The following LETM2 variants were observed in gnomAD, a reference collection of about 807,000 sequenced individuals.
The protein encoded by LETM2 is LETM1 domain-containing protein LETM2, mitochondrial.
Under a neutral mutation model 59.6 loss-of-function variants are expected in LETM2, and 58 were observed. The ratio of observed to expected loss-of-function variants is 0.97; its 90% CI spans 0.79 to 1.21. The LOEUF (loss-of-function observed/expected upper bound fraction) is 1.21. Ranked by LOEUF, LETM2 falls within the 50% of genes most tolerant of loss-of-function variation. The pLI, the probability that LETM2 is intolerant of heterozygous loss-of-function variation, is 0.00. For missense variants in LETM2, 572 were observed against 575.7 expected (o/e 0.99, Z 0.07); for synonymous variants, 199 against 214.1 (o/e 0.93, Z 0.62).
Position 38,394,082 on chromosome 8 carries a change from G to A in LETM2, c.502-16G>A, listed in dbSNP as rs776337311. ...CCCTAAAATAATGAATATTGCATAT[G>A]CATTTAATTCTATAGCTGTTGAGAA... is the stretch of plus-strand genomic sequence containing the variant. On this transcript the variant is annotated splice_polypyrimidine_tract_variant and intron_variant, in intron 3 of 10. Coordinates refer to ENST00000379957, the MANE Select transcript of LETM2 (RefSeq NM_001286819.2). 3.5e-6 allele frequency: 5 copies of A among 1,423,076 alleles called. No homozygotes were observed. The South Asian group carries it at 7.5e-5, about 21-fold the overall frequency. The allele number at this position is 1,423,076 out of a possible 1,614,324, so 88.2% of individuals were successfully genotyped here. A position where few individuals can be genotyped will look rare whatever the true frequency, so the allele number is the denominator to read the frequency against.
chr8:38,400,707 A>T (rs549766715), intron 5 of LETM2, 146 bp from the exon 6 acceptor site: 1 of 767,438 alleles, frequency 1.3e-6, no homozygotes, highest in Non-Finnish European at 2.1e-6. Flanking sequence ...CTTCAGATGG[A>T]TATCTTTTCT....
chr8:38,405,763 A>G (rs1813664464), intron 8 of LETM2, among the ~76,000 whole-genome samples: 1 of 152,178 alleles, frequency 6.6e-6, no homozygotes, highest in South Asian at 2.1e-4. Flanking sequence ...GATTGCTGTC[A>G]GGGGCAAGGA....
intron 10 of LETM2, among the ~76,000 whole-genome samples, chr8:38,407,770 C>T (rs1813851340): frequency 6.6e-6 from 1 of 152,128 alleles, no homozygotes; most frequent in African/African-American, 2.4e-5. Context: ...TTTACACATG[C>T]TTCCGACGTG....
At chr8:38,391,780 C>T (rs972873235) in intron 2 of LETM2, among the ~76,000 whole-genome samples, 1 of 151,824 alleles carries the variant, frequency 6.6e-6, no homozygotes, top group Admixed American at 6.6e-5. Context: ...CAACCTTCAC[C>T]TCCTGGGTTC....
At chr8:38,393,544 G>A (rs1812464568) in intron 3 of LETM2, 1 of 153,572 alleles carries the variant, frequency 6.5e-6, no homozygotes, top group African/African-American at 2.4e-5. Context: ...CTACCCAGGA[G>A]GCTGAGGCAG....
chr8:38,394,208 G>A lies in LETM2; in HGVS notation c.612G>A (p.Met204Ile), dbSNP rs1285329029. ...TGTTTCTGAAACTCTTCCCAGAGAT[G>A]TTGCCATCAACTTTTGAAAGTGAAT... ...LPVFLKLFPE[M>I]LPSTFESESK... Residue 204 changes from methionine to isoleucine, a missense_variant, in exon 4 of 11, where the codon ATG (methionine) becomes ATA (isoleucine). Met to Ile is a conservative substitution (Grantham distance 10, BLOSUM62 1). Transcript: ENST00000379957. 4 of 1,501,570 alleles carry A rather than the reference G, an allele frequency of 2.7e-6. No homozygotes were observed. The Admixed American group carries it at 9.4e-5, about 35-fold the overall frequency. The allele number at this position is 1,501,570 out of a possible 1,614,324, so 93.0% of individuals were successfully genotyped here. A position where few individuals can be genotyped will look rare whatever the true frequency, so the allele number is the denominator to read the frequency against.
At chr8:38,388,652 G>A (rs564231520) in intron 2 of LETM2, among the ~76,000 whole-genome samples, 3 of 150,274 alleles carry the variant, frequency 2.0e-5, no homozygotes, top group East Asian at 2.1e-4. Flanking sequence ...CCTGGGAGGC[G>A]GAGGTTGCAG....
Position 38,406,961 on chromosome 8 carries a change from A to C in LETM2, c.1234A>C (p.Ile412Leu). Residue 412 changes from isoleucine (I) to leucine (L), a missense_variant, in exon 9 of 11, where the codon ATT (isoleucine) becomes CTT (leucine). Coordinates refer to ENST00000379957, the MANE Select transcript of LETM2 (RefSeq NM_001286819.2). The stretch of plus-strand genomic sequence containing the variant: ...ATCTCCCCAGGCTCCAAAGACTGAT[A>C]TTCTTGTGGAATTACCTACTTTCAC... ...PLSGEAPKTDILVELPTFTES... is the reference protein window; with the variant it reads ...PLSGEAPKTDLLVELPTFTES... The C allele has an allele frequency of 6.2e-7, 1 of 1,608,154 alleles. No homozygotes were observed. Among genetic ancestry groups the C allele is most frequent in the Non-Finnish European group, 8.5e-7 (1 of 1,174,618 alleles).
Position 38,400,485 on chromosome 8 carries a change from C to T in LETM2, c.783+76C>T, listed in dbSNP as rs1165178122. 3.6e-6 allele frequency: 5 copies of T among 1,389,232 alleles called. No individual in the cohort carries two copies. The African/African-American group carries it at 7.3e-5, about 20-fold the overall frequency. 86.1% of individuals were successfully genotyped at this position (1,389,232 alleles called of 1,614,324 possible). ...GAAAAACGCATGTCATCATGGATTT[C>T]CCAAATTGTTCACCATCTTTGGAAT... is the stretch of plus-strand genomic sequence containing the variant. On this transcript the variant is annotated intron_variant, in intron 5 of 10. Transcript: ENST00000379957.
intron 6 of LETM2, among the ~76,000 whole-genome samples, chr8:38,402,043 GGGTT>G (rs1813273856): frequency 6.6e-6 from 1 of 152,056 alleles, no homozygotes; most frequent in South Asian, 2.1e-4. Context: ...CCATTGTTTT[GGGTT>G]ACGCCAAGCA....
chr8:38,393,491 A>G (rs1454526360), intron 3 of LETM2: 1 of 154,600 alleles, frequency 6.5e-6, no homozygotes, highest in Non-Finnish European at 1.4e-5. Context: ...TAAAAAAAAT[A>G]CAAAAATTAG....
upstream of LETM2, among the ~76,000 whole-genome samples, chr8:38,385,171 T>G (rs1409336230): frequency 2.0e-5 from 3 of 152,184 alleles, no homozygotes; most frequent in Admixed American, 1.3e-4. Flanking sequence ...ACTGAAAAGT[T>G]TTGCCTATTT....
intron 9 of LETM2, 93 bp downstream of exon 9, chr8:38,407,131 G>A (rs185470421): frequency 1.3e-6 from 1 of 798,230 alleles, no homozygotes; most frequent in Admixed American, 2.2e-5. Context: ...TAATGAAATT[G>A]AAATTCAATA....
In LETM2 at chr8:38,394,241, G is replaced by T; in HGVS notation, c.645G>T (p.Lys215Asn). Residue 215 changes from lysine (K) to asparagine (N), a missense_variant and splice_region_variant, in exon 4 of 11, where the codon AAG (lysine) becomes AAT (asparagine). Coordinates refer to ENST00000379957, the MANE Select transcript of LETM2 (RefSeq NM_001286819.2). The part of the protein sequence containing the change: ...LPSTFESESK[K>N]EEKQKKKMAV... The stretch of plus-strand genomic sequence containing the variant: ...CAACTTTTGAAAGTGAATCCAAAAA[G>T]GTATGATTTTTTAACTTTAATAAAA... 6.9e-7 allele frequency: 1 copy of T among 1,452,732 alleles called. No homozygotes were observed. The highest frequency in any genetic ancestry group is 9.0e-7 in the Non-Finnish European group (1 of 1,105,982). 90.0% of individuals were successfully genotyped at this position (1,452,732 alleles called of 1,614,324 possible).
chr8:38,391,984 G>T (rs368449108), intron 2 of LETM2, among the ~76,000 whole-genome samples: 1 of 152,240 alleles, frequency 6.6e-6, no homozygotes, highest in African/African-American at 2.4e-5. Flanking sequence ...GAGCCATCGC[G>T]GCCAGCCCAA....
chr8:38,396,038 T>C (rs1812655096), intron 4 of LETM2, among the ~76,000 whole-genome samples: 2 of 152,226 alleles, frequency 1.3e-5, no homozygotes, highest in Admixed American at 6.5e-5. Context: ...ATCATGCTTT[T>C]AGTGTTGTAG....
At chr8:38,384,703 A>C (rs1164645098), upstream of LETM2, among the ~76,000 whole-genome samples, 2 of 152,248 alleles carry the variant, frequency 1.3e-5, no homozygotes, top group African/African-American at 4.8e-5. Context: ...CAATAAGAAG[A>C]GTTCTTAGCC....
intron 3 of LETM2, chr8:38,393,198 G>A (rs972233716): frequency 2.5e-5 from 13 of 527,480 alleles, no homozygotes; most frequent in Non-Finnish European, 4.3e-5. Flanking sequence ...ATATTTTCCT[G>A]TATAACGGTT....
intron 8 of LETM2, among the ~76,000 whole-genome samples, chr8:38,405,018 C>G (rs1399398336): frequency 1.3e-5 from 2 of 152,204 alleles, no homozygotes; most frequent in African/African-American, 4.8e-5. Flanking sequence ...AGTTTTACCT[C>G]CAGCCTTAAG....
Sources: allele counts gnomAD v4.1 joint callset (sites outside exome capture counted in the v4.1 genomes callset), GRCh38; gene constraint gnomAD v4.1.1; transcripts MANE v1.5; gene names NCBI Gene and HGNC (gene_info 2026-07-23, HGNC 2026-07-21).